GRID1: variants seen among roughly 807,000 people sequenced by gnomAD.
The protein encoded by GRID1 is glutamate receptor ionotropic, delta-1.
GRID1 carries 28 observed loss-of-function variants against 98.0 expected under a neutral mutation model. The observed-to-expected ratio is 0.29, with a 90% CI of 0.21 to 0.39. GRID1 has a LOEUF of 0.39. Ranked by LOEUF, GRID1 falls within the 10% of genes least tolerant of loss-of-function variation. The pLI is 1.00. For synonymous variants in GRID1, 553 were observed against 538.5 expected (o/e 1.03, Z -0.37); for missense variants, 1,111 against 1,340.5 (o/e 0.83, Z 2.67).
chr10:85,629,963 A>G (rs188601870), intron 13 of GRID1, among the ~76,000 whole-genome samples: 6 of 152,176 alleles, frequency 3.9e-5, no homozygotes, highest in Non-Finnish European at 5.9e-5. Context: ...ATGACTAGTG[A>G]TGTTGTGCAT....
intron 4 of GRID1, among the ~76,000 whole-genome samples, chr10:85,932,823 G>T (rs1318896941): frequency 6.6e-6 from 1 of 152,190 alleles, no homozygotes; most frequent in Non-Finnish European, 1.5e-5. Flanking sequence ...GCAGGGATGA[G>T]CATGGCTTGT....
At chr10:86,185,142 ATCT>A (rs1278218017) in intron 3 of GRID1, among the ~76,000 whole-genome samples, 9 of 152,016 alleles carry the variant, frequency 5.9e-5, no homozygotes, top group Non-Finnish European at 1.0e-4. Flanking sequence ...ATTTATCTTG[ATCT>A]TCTTCAATTT....
Position 86,161,774 on chromosome 10 carries a change from G to A in GRID1, c.521-22750C>T, listed in dbSNP as rs200595729. Among the ~76,000 whole-genome samples, 25 of 152,302 alleles carry A rather than the reference G, an allele frequency of 1.6e-4. 1 individual carries two copies. The highest frequency in any genetic ancestry group is 5.3e-4 in the African/African-American group (22 of 41,562). ...CTGAGCCACAGGCTTGCAAGCAGGT[G>A]GTGGTGGTCACAATGGAACTGGATC... On this transcript the variant is annotated intron_variant, in intron 3 of 15. Coordinates refer to ENST00000327946, the MANE Select transcript of GRID1 (RefSeq NM_017551.3).
intron 8 of GRID1, among the ~76,000 whole-genome samples, chr10:85,772,270 C>T (rs922815351): frequency 6.6e-6 from 1 of 152,078 alleles, no homozygotes; most frequent in Non-Finnish European, 1.5e-5. Context: ...TTCTTTGAAA[C>T]CAACAAGAAC....
At chr10:86,153,416 A>T (rs1845197922) in intron 3 of GRID1, among the ~76,000 whole-genome samples, 1 of 152,258 alleles carries the variant, frequency 6.6e-6, no homozygotes, top group Non-Finnish European at 1.5e-5. Context: ...ATTAAATTAT[A>T]TTAACAAACA....
At chr10:85,656,018 C>G (rs1840891312) in intron 12 of GRID1, among the ~76,000 whole-genome samples, 1 of 152,014 alleles carries the variant, frequency 6.6e-6, no homozygotes, top group Non-Finnish European at 1.5e-5. Flanking sequence ...GAGATGACAT[C>G]CTCCTCCAAC....
chr10:85,714,720 A>G (rs1229147629), intron 12 of GRID1, among the ~76,000 whole-genome samples: 1 of 152,122 alleles, frequency 6.6e-6, no homozygotes, highest in Non-Finnish European at 1.5e-5. Flanking sequence ...GTAAACTATA[A>G]AACATTGGTG....
At chr10:85,768,379 T>C (rs1003603545) in intron 8 of GRID1, among the ~76,000 whole-genome samples, 1 of 149,904 alleles carries the variant, frequency 6.7e-6, no homozygotes, top group African/African-American at 2.5e-5. Context: ...AAGAAGAAAA[T>C]AGTAATTGGA....
At chr10:85,910,828 T>C (rs1589295788) in intron 5 of GRID1, among the ~76,000 whole-genome samples, 1 of 152,294 alleles carries the variant, frequency 6.6e-6, no homozygotes, top group Non-Finnish European at 1.5e-5. Flanking sequence ...GGGGTGAGGC[T>C]GTGAAAAAAT....
intron 2 of GRID1, among the ~76,000 whole-genome samples, chr10:86,255,085 A>C (rs1488770874): frequency 6.6e-6 from 1 of 152,114 alleles, no homozygotes; most frequent in Non-Finnish European, 1.5e-5. Context: ...CTCCTGCTCC[A>C]TGGGCTCCCC....
chr10:86,320,417 T>G (rs1411398383), intron 2 of GRID1, among the ~76,000 whole-genome samples: 1 of 152,208 alleles, frequency 6.6e-6, no homozygotes, highest in African/African-American at 2.4e-5. Context: ...AACCTCATGC[T>G]AAGTGAAGTA....
chr10:85,674,539 C>G (rs1218877972), intron 12 of GRID1, among the ~76,000 whole-genome samples: 2 of 152,114 alleles, frequency 1.3e-5, no homozygotes, highest in African/African-American at 4.8e-5. Context: ...ATCAAGATGA[C>G]TATCCTATGA....
chr10:86,285,773 A>C lies in GRID1; in HGVS notation c.235+78168T>G, dbSNP rs114411193. On this transcript the variant is annotated intron_variant, in intron 2 of 15. Transcript: ENST00000327946. ...AGAAATAGGTCAAGGCATAGATTCGATATATGGTAAGTCCTTACTTAACAT... is the reference window on the plus strand; with the variant it reads ...AGAAATAGGTCAAGGCATAGATTCGCTATATGGTAAGTCCTTACTTAACAT... 8.0e-4 allele frequency among the ~76,000 whole-genome samples: 122 copies of C among 152,330 alleles called. 1 individual carries two copies. The highest frequency in any genetic ancestry group is 2.9e-3 in the African/African-American group (121 of 41,578).
At position 86,366,220 on chromosome 10, in the gene GRID1, C is replaced by A; in HGVS notation, c.79+94G>T. 2.4e-6 allele frequency: 2 copies of A among 848,912 alleles called. No individual in the cohort carries two copies. Among genetic ancestry groups the A allele is most frequent in the Non-Finnish European group, 3.3e-6 (2 of 597,912 alleles). The allele number at this position is 848,912 out of a possible 1,614,324, so 52.6% of individuals were successfully genotyped here. A position where few individuals can be genotyped will look rare whatever the true frequency, so the allele number is the denominator to read the frequency against. ...CGGGGGAGCACCGCCCGCCGAGCCC[C>A]TCGGCCCAGGGAAACGCCAAGTTTG... On this transcript the variant is annotated intron_variant, in intron 1 of 15. Coordinates refer to ENST00000327946, the MANE Select transcript of GRID1 (RefSeq NM_017551.3). This position sits in a 1 kb window ranked among gnomAD's most constrained non-coding sequence, Gnocchi z 4.1.
intron 3 of GRID1, among the ~76,000 whole-genome samples, chr10:86,205,391 G>T (rs1846012119): frequency 6.6e-6 from 1 of 152,202 alleles, no homozygotes; most frequent in East Asian, 1.9e-4. Flanking sequence ...AGGGATCCTT[G>T]TGAAGGAACT....
chr10:85,844,117 A>G (rs1358930281), intron 8 of GRID1, among the ~76,000 whole-genome samples: 1 of 152,164 alleles, frequency 6.6e-6, no homozygotes, highest in East Asian at 1.9e-4. Context: ...AACAACTTGG[A>G]TGGAACCTCT....
At chr10:86,202,950 C>T (rs1845974618) in intron 3 of GRID1, among the ~76,000 whole-genome samples, 1 of 152,224 alleles carries the variant, frequency 6.6e-6, no homozygotes. Flanking sequence ...GGGACAGGAG[C>T]AGGAAGCTAG....
chr10:85,920,934 C>T (rs919529356), intron 4 of GRID1, among the ~76,000 whole-genome samples: 2 of 152,184 alleles, frequency 1.3e-5, no homozygotes, highest in East Asian at 1.9e-4. Flanking sequence ...GGAATTGCTG[C>T]GGTGGCCAGA....
chr10:86,200,721 C>T lies in GRID1; in HGVS notation c.520+5643G>A, dbSNP rs996040790. The stretch of plus-strand genomic sequence containing the variant: ...ACAATTAACTTAAAGAAGATATTGC[C>T]ACACTTAAAAAGAAAAGGCTCGATT... On this transcript the variant is annotated intron_variant, in intron 3 of 15. Coordinates refer to ENST00000327946, the MANE Select transcript of GRID1 (RefSeq NM_017551.3). 4.6e-5 allele frequency among the ~76,000 whole-genome samples: 7 copies of T among 151,998 alleles called. No homozygotes were observed. In the East Asian group the frequency reaches 1.4e-3, roughly 29 times the overall value.
Sources: gnomAD v4.1 joint callset for allele counts (sites outside exome capture counted in the v4.1 genomes callset) on GRCh38, gnomAD v4.1.1 for gene constraint, Gnocchi (gnomAD v3.1) non-coding constraint, MANE v1.5 for transcripts, NCBI Gene and HGNC (gene_info 2026-07-23, HGNC 2026-07-21) for gene names.